Variants in SLC8A1 observed in about 807,000 individuals in gnomAD.
The protein encoded by SLC8A1 is sodium/calcium exchanger 1.
In SLC8A1, 18 loss-of-function variants were observed where a neutral mutation model predicts 68.3. The observed-to-expected ratio is 0.26, with a 90% CI of 0.18 to 0.39. The LOEUF (loss-of-function observed/expected upper bound fraction) is 0.39, where lower values mean the gene tolerates loss of function less well. SLC8A1 is among the 10% of genes least tolerant of loss of function. SLC8A1 has a pLI of 1.00. For missense variants in SLC8A1, 985 were observed against 1,156.7 expected (o/e 0.85, Z 2.15); for synonymous variants, 475 against 415.5 (o/e 1.14, Z -1.74).
At chr2:40,296,795 C>T (rs945114777) in intron 2 of SLC8A1, among the ~76,000 whole-genome samples, 13 of 152,150 alleles carry the variant, frequency 8.5e-5, no homozygotes, top group African/African-American at 3.1e-4. Flanking sequence ...GCTATCTTTG[C>T]TCTATTTCCT....
rs78895106 is a variant in SLC8A1, at chr2:40,279,656, G to A, written c.1809-101801C>T. On this transcript the variant is annotated intron_variant, in intron 2 of 7. Coordinates refer to ENST00000406785, the Ensembl canonical transcript of SLC8A1. ...GGGTCTGGCATATCTCTTCCCAAGT[G>A]TGCTCTGGAAATCCTATTTCAGTCC... 2.0e-5 allele frequency among the ~76,000 whole-genome samples: 3 copies of A among 152,284 alleles called. No individual in the cohort carries two copies. In the East Asian group the frequency reaches 5.8e-4, roughly 29 times the overall value.
intron 2 of SLC8A1, among the ~76,000 whole-genome samples, chr2:40,334,635 G>A (rs549780639): frequency 1.3e-5 from 2 of 152,100 alleles, no homozygotes; most frequent in African/African-American, 4.8e-5. Context: ...CCCTTAAAAT[G>A]TCCTGAAAAC....
intron 1 of SLC8A1, among the ~76,000 whole-genome samples, chr2:40,440,259 G>C (rs1021398668): frequency 1.3e-5 from 2 of 152,066 alleles, no homozygotes; most frequent in African/African-American, 4.8e-5. Flanking sequence ...CTAGATTATT[G>C]TCTTTTGGTG....
chr2:40,261,173 A>T (rs551062595), intron 2 of SLC8A1, among the ~76,000 whole-genome samples: 20 of 152,318 alleles, frequency 1.3e-4, no homozygotes, highest in African/African-American at 3.8e-4. Flanking sequence ...CTGGAAGGCC[A>T]GTCTGGGGCG....
chr2:40,220,379 G>A (rs1048112951), intron 2 of SLC8A1: 2 of 152,136 alleles, frequency 1.3e-5, no homozygotes, highest in Non-Finnish European at 2.9e-5. Flanking sequence ...TTTAAAGGAG[G>A]TCATTAGTGA....
At chr2:40,180,986 TCTCA>T (rs1244805350) in intron 2 of SLC8A1, among the ~76,000 whole-genome samples, 1 of 151,992 alleles carries the variant, frequency 6.6e-6, no homozygotes, top group African/African-American at 2.4e-5. Flanking sequence ...TGAGATGGAG[TCTCA>T]CTCTTATTGC....
At chr2:40,098,870 T>C (rs1009413032) in exon 8 of SLC8A1, 3 of 152,052 alleles carry the variant, frequency 2.0e-5, no homozygotes, top group African/African-American at 7.2e-5. Context: ...ATAATCTACA[T>C]TTTACAGATC....
At chr2:40,277,771 T>A (rs138890783) in intron 2 of SLC8A1, among the ~76,000 whole-genome samples, 1,927 of 138,046 alleles carry the variant, frequency 0.014, 64 homozygotes, top group African/African-American at 0.048. Flanking sequence ...TATAAACATA[T>A]GTATAAATAT....
intron 2 of SLC8A1, among the ~76,000 whole-genome samples, chr2:40,183,887 G>A (rs1362507722): frequency 6.6e-6 from 1 of 152,160 alleles, no homozygotes; most frequent in African/African-American, 2.4e-5. Flanking sequence ...TAAGTGCAGT[G>A]GCTCATGCCT....
At chr2:40,129,956 C>G (rs971060308) in intron 7 of SLC8A1, among the ~76,000 whole-genome samples, 1 of 152,214 alleles carries the variant, frequency 6.6e-6, no homozygotes, top group African/African-American at 2.4e-5. Context: ...TTGGGCAGGA[C>G]ACATGCTGAG....
intron 6 of SLC8A1, among the ~76,000 whole-genome samples, chr2:40,156,485 T>A (rs2044526257): frequency 1.6e-5 from 1 of 62,456 alleles, no homozygotes; most frequent in African/African-American, 5.5e-5. Context: ...TAATGCTGGA[T>A]ATTTAACATT....
At chr2:40,309,416 T>C (rs1000882606) in intron 2 of SLC8A1, among the ~76,000 whole-genome samples, 1 of 152,126 alleles carries the variant, frequency 6.6e-6, no homozygotes, top group Non-Finnish European at 1.5e-5. Context: ...CCTGATTCTA[T>C]GATCTCCCTA....
chr2:40,391,770 T>C (rs1031749170), intron 2 of SLC8A1, among the ~76,000 whole-genome samples: 1 of 151,994 alleles, frequency 6.6e-6, no homozygotes, highest in East Asian at 1.9e-4. Context: ...ACGTGTCAGA[T>C]GACAAAATAA....
At chr2:40,424,312 T>A (rs998794157) in intron 2 of SLC8A1, among the ~76,000 whole-genome samples, 4 of 151,814 alleles carry the variant, frequency 2.6e-5, no homozygotes, top group Non-Finnish European at 4.4e-5. Flanking sequence ...ACTCTCAGAA[T>A]TGAATTGCCA....
chr2:40,115,218 G>GTA lies in SLC8A1; in HGVS notation c.*33_*34dup, dbSNP rs746309791. On this transcript the variant is annotated 3_prime_UTR_variant, in exon 8 of 8. Transcript: ENST00000406785. Reference sequence around the variant, plus strand: ...ATACATAATTTTTATGTATATATATGTATATATATAAATTTACTATATCTG... The same window carrying GTA: ...ATACATAATTTTTATGTATATATATGTATATATATATAAATTTACTATATCTG... 35 of 1,355,476 alleles carry GTA rather than the reference G, an allele frequency of 2.6e-5. No homozygotes were observed. The African/African-American group carries it at 3.3e-4, about 13-fold the overall frequency. 84.0% of individuals were successfully genotyped at this position (1,355,476 alleles called of 1,614,324 possible). A position where few individuals can be genotyped will look rare whatever the true frequency, so the allele number is the denominator to read the frequency against.
intron 1 of SLC8A1, among the ~76,000 whole-genome samples, chr2:40,494,640 AATATATATATATAT>A (rs34595267): frequency 0.37 from 34,690 of 92,794 alleles, 6,739 homozygotes; most frequent in Non-Finnish European, 0.46. Flanking sequence ...CTTAAAGTAT[AATATATATATATAT>A]ATATATATAT....
chr2:40,127,550 T>A (rs956541308), intron 7 of SLC8A1, among the ~76,000 whole-genome samples: 1 of 152,152 alleles, frequency 6.6e-6, no homozygotes, highest in African/African-American at 2.4e-5. Flanking sequence ...GTTACCTGCT[T>A]TTTTGCGACT....
chr2:40,351,840 C>T (rs990239309), intron 2 of SLC8A1, among the ~76,000 whole-genome samples: 1 of 152,280 alleles, frequency 6.6e-6, no homozygotes, highest in African/African-American at 2.4e-5. Flanking sequence ...ATTGAAGGGA[C>T]TCCCCATGAC....
chr2:40,207,955 T>C (rs1048486713), intron 2 of SLC8A1, among the ~76,000 whole-genome samples: 1 of 152,114 alleles, frequency 6.6e-6, no homozygotes, highest in Admixed American at 6.6e-5. Context: ...GTTGGGCAGA[T>C]TGAAGTAACC....
Sources: gnomAD v4.1 joint callset for allele counts (sites outside exome capture counted in the v4.1 genomes callset) on GRCh38, gnomAD v4.1.1 for gene constraint, MANE v1.5 for transcripts, NCBI Gene and HGNC (gene_info 2026-07-23, HGNC 2026-07-21) for gene names.